EDARADD: variants seen among roughly 807,000 people sequenced by gnomAD.
The protein encoded by EDARADD is ectodysplasin-A receptor-associated adapter protein.
Under a neutral mutation model 25.6 loss-of-function variants are expected in EDARADD, and 20 were observed. The ratio of observed to expected loss-of-function variants is 0.78; its 90% CI spans 0.55 to 1.14. EDARADD has a LOEUF of 1.14. EDARADD is among the 50% of genes most tolerant of loss of function. EDARADD has a pLI of 0.00. For synonymous variants in EDARADD, 86 were observed against 94.4 expected (o/e 0.91, Z 0.52); for missense variants, 225 against 270.1 (o/e 0.83, Z 1.17).
intron 3 of EDARADD, among the ~76,000 whole-genome samples, chr1:236,354,533 A>G (rs1428478107): frequency 2.0e-5 from 3 of 152,210 alleles, no homozygotes; most frequent in African/African-American, 7.2e-5. Flanking sequence ...TGAAGGGTTC[A>G]GGGCTCAGCT....
At chr1:236,475,381 T>A (rs909075977) in intron 5 of EDARADD, among the ~76,000 whole-genome samples, 1 of 152,240 alleles carries the variant, frequency 6.6e-6, no homozygotes, top group South Asian at 2.1e-4. Context: ...TAATTAGAGT[T>A]TGTGATTCTA....
chr1:236,361,377 G>A (rs1268283476), intron 3 of EDARADD, among the ~76,000 whole-genome samples: 10 of 151,456 alleles, frequency 6.6e-5, no homozygotes, highest in East Asian at 1.9e-4. Flanking sequence ...GTGCAGTGGC[G>A]CGATCTCGGC....
chr1:236,425,380 G>A (rs1376826308), intron 3 of EDARADD, among the ~76,000 whole-genome samples: 2 of 152,170 alleles, frequency 1.3e-5, no homozygotes, highest in South Asian at 2.1e-4. Flanking sequence ...CTGAGGGGAT[G>A]GGCAGGGTCA....
intron 1 of EDARADD, among the ~76,000 whole-genome samples, chr1:236,397,470 C>T (rs1042599019): frequency 5.9e-5 from 9 of 152,078 alleles, no homozygotes; most frequent in African/African-American, 2.2e-4. Context: ...TTAGTCTGCC[C>T]AGCCCAGCCA....
At chr1:236,397,900 A>G (rs920888301) in intron 1 of EDARADD, among the ~76,000 whole-genome samples, 1 of 152,114 alleles carries the variant, frequency 6.6e-6, no homozygotes, top group Non-Finnish European at 1.5e-5. Flanking sequence ...TGCAACCCAC[A>G]GGAGACATCC....
At chr1:236,428,112 C>T (rs1657976871) in intron 4 of EDARADD, among the ~76,000 whole-genome samples, 1 of 151,808 alleles carries the variant, frequency 6.6e-6, no homozygotes, top group South Asian at 2.1e-4. Flanking sequence ...AGGCAGAGGG[C>T]CCTGCCGCCT....
At chr1:236,349,968 C>T (rs958198367) in intron 2 of EDARADD, among the ~76,000 whole-genome samples, 6 of 152,084 alleles carry the variant, frequency 3.9e-5, no homozygotes, top group Middle Eastern at 3.2e-3. Flanking sequence ...AAAAACTAGC[C>T]GGGTGAGTTG....
chr1:236,478,191 A>G (rs1419505550), intron 5 of EDARADD, among the ~76,000 whole-genome samples: 2 of 152,160 alleles, frequency 1.3e-5, no homozygotes, highest in Non-Finnish European at 2.9e-5. Context: ...CACATGCACC[A>G]GTAGCCTTAG....
intron 4 of EDARADD, among the ~76,000 whole-genome samples, chr1:236,443,740 G>A (rs904017154): frequency 1.3e-5 from 2 of 152,200 alleles, no homozygotes; most frequent in African/African-American, 4.8e-5. Flanking sequence ...AAAGAGTTTA[G>A]AGTAGTACAT....
At chr1:236,379,608 A>G (rs1558104872) in intron 3 of EDARADD, among the ~76,000 whole-genome samples, 1 of 151,774 alleles carries the variant, frequency 6.6e-6, no homozygotes, top group Non-Finnish European at 1.5e-5. Flanking sequence ...GCGAAACACC[A>G]TCTCTACTAA....
intron 1 of EDARADD, among the ~76,000 whole-genome samples, chr1:236,397,863 C>T (rs1328989002): frequency 6.6e-6 from 1 of 152,270 alleles, no homozygotes; most frequent in East Asian, 1.9e-4. Context: ...ACCCCAATTT[C>T]CCCTTCCTAA....
rs1659768313 is a variant in EDARADD at position 236,484,280 on chromosome 1, T to C, written c.*1631T>C. Reference sequence around the variant, plus strand: ...GTTGGTGTGTCATGGTGCCTCATCATTCTGGGGAGACTGAAAATACCTTCA... The same window carrying C: ...GTTGGTGTGTCATGGTGCCTCATCACTCTGGGGAGACTGAAAATACCTTCA... On this transcript the variant is annotated 3_prime_UTR_variant, in exon 6 of 6. Transcript: ENST00000334232. This position sits in a 1 kb window ranked among gnomAD's most constrained non-coding sequence, Gnocchi z 4.1. The C allele has an allele frequency of 3.0e-6, 3 of 1,016,706 alleles. No homozygotes were observed. Among genetic ancestry groups the C allele is most frequent in the Admixed American group, 1.7e-5 (1 of 58,902 alleles). The allele number at this position is 1,016,706 out of a possible 1,614,324, so 63.0% of individuals were successfully genotyped here.
At chr1:236,472,224 T>C (rs1195496903) in intron 5 of EDARADD, among the ~76,000 whole-genome samples, 1 of 152,052 alleles carries the variant, frequency 6.6e-6, no homozygotes, top group Non-Finnish European at 1.5e-5. Context: ...TCCACAGACA[T>C]GGTATCTCTC....
At chr1:236,349,933 G>A (rs1030915990) in intron 2 of EDARADD, among the ~76,000 whole-genome samples, 10 of 152,122 alleles carry the variant, frequency 6.6e-5, no homozygotes, top group African/African-American at 1.9e-4. Flanking sequence ...CCAACATGGC[G>A]AAACCATGTC....
chr1:236,435,337 GCTGA>G (rs1658217543), intron 4 of EDARADD, among the ~76,000 whole-genome samples: 1 of 152,202 alleles, frequency 6.6e-6, no homozygotes, highest in Non-Finnish European at 1.5e-5. Flanking sequence ...TCACATGTTT[GCTGA>G]CTATTTCATT....
chr1:236,464,068 G>A (rs1659114091), intron 4 of EDARADD, among the ~76,000 whole-genome samples: 1 of 152,116 alleles, frequency 6.6e-6, no homozygotes, highest in East Asian at 1.9e-4. Context: ...GGGCTGGGGA[G>A]GGTGGCATTT....
rs573905712 is a variant in EDARADD at position 236,409,751 on chromosome 1, T to TG, written c.120+482dup. Among the ~76,000 whole-genome samples the TG allele has an allele frequency of 4.4e-3, 636 of 145,784 alleles. 5 individuals are homozygous for TG. Among genetic ancestry groups the TG allele is most frequent in the African/African-American group, 0.015 (605 of 39,102 alleles). ...TAATTTTTTTTTTTTTTTGGTAGAGTGGGGGTTTCACCATGTTGGCCAGGC... is the reference window on the plus strand; with the variant it reads ...TAATTTTTTTTTTTTTTTGGTAGAGTGGGGGGTTTCACCATGTTGGCCAGGC... On this transcript the variant is annotated intron_variant, in intron 2 of 5. Coordinates refer to ENST00000334232, the MANE Select transcript of EDARADD (RefSeq NM_145861.4).
chr1:236,448,698 T>C (rs1658630919), intron 4 of EDARADD, among the ~76,000 whole-genome samples: 1 of 152,184 alleles, frequency 6.6e-6, no homozygotes. Context: ...CCCGCCCTGC[T>C]ATGCAAATTT....
intron 4 of EDARADD, among the ~76,000 whole-genome samples, chr1:236,436,261 G>A (rs961985040): frequency 1.3e-5 from 2 of 151,734 alleles, no homozygotes; most frequent in East Asian, 3.9e-4. Context: ...GGGTTCAAGC[G>A]ATTTACCTGC....
Sources: gnomAD v4.1 joint callset for allele counts (sites outside exome capture counted in the v4.1 genomes callset) on GRCh38, gnomAD v4.1.1 for gene constraint, Gnocchi (gnomAD v3.1) non-coding constraint, MANE v1.5 for transcripts, NCBI Gene and HGNC (gene_info 2026-07-23, HGNC 2026-07-21) for gene names.